The following ZNF106 variants were observed in gnomAD, a reference collection of about 807,000 sequenced individuals.
The protein encoded by ZNF106 is zinc finger protein 106.
In ZNF106, 67 loss-of-function variants were observed where a neutral mutation model predicts 195.1. The observed-to-expected ratio is 0.34, with a 90% CI of 0.28 to 0.42. ZNF106 has a LOEUF of 0.42. Ranked by LOEUF, ZNF106 falls within the 10% of genes least tolerant of loss-of-function variation. The pLI, the probability that ZNF106 is intolerant of heterozygous loss-of-function variation, is 1.00. For synonymous variants in ZNF106, 784 were observed against 818.6 expected (o/e 0.96, Z 0.72); for missense variants, 2,118 against 2,304.5 (o/e 0.92, Z 1.66).
chr15:42,483,151 C>T (rs1297461695), intron 1 of ZNF106, among the ~76,000 whole-genome samples: 1 of 150,982 alleles, frequency 6.6e-6, no homozygotes, highest in African/African-American at 2.5e-5. Flanking sequence ...TGTGTTAACT[C>T]CCCGCTAGAA....
chr15:42,478,352 T>C (rs1421196505), intron 1 of ZNF106, among the ~76,000 whole-genome samples: 3 of 151,562 alleles, frequency 2.0e-5, no homozygotes, highest in Non-Finnish European at 2.9e-5. Flanking sequence ...TTAGTAGAGA[T>C]GGAGTTTCAC....
At chr15:42,479,017 T>C (rs1301424736) in intron 1 of ZNF106, among the ~76,000 whole-genome samples, 2 of 152,238 alleles carry the variant, frequency 1.3e-5, no homozygotes, top group Non-Finnish European at 2.9e-5. Flanking sequence ...TCACAGATTA[T>C]TTGGAAGATT....
intron 1 of ZNF106, among the ~76,000 whole-genome samples, chr15:42,482,828 A>C (rs1214519455): frequency 6.6e-6 from 1 of 151,934 alleles, no homozygotes; most frequent in Non-Finnish European, 1.5e-5. Context: ...CGCGCCCGGC[A>C]AAATCCTCAG....
At chr15:42,483,854 G>C (rs1322962152) in intron 1 of ZNF106, among the ~76,000 whole-genome samples, 1 of 152,056 alleles carries the variant, frequency 6.6e-6, no homozygotes, top group East Asian at 1.9e-4. Flanking sequence ...TTTTCATCTA[G>C]TTAATTACTC....
At chr15:42,452,221 A>G (rs927822572) in intron 4 of ZNF106, among the ~76,000 whole-genome samples, 2 of 152,166 alleles carry the variant, frequency 1.3e-5, no homozygotes, top group African/African-American at 4.8e-5. Flanking sequence ...ACTCAGAAAT[A>G]TTAAAAATTT....
intron 1 of ZNF106, among the ~76,000 whole-genome samples, chr15:42,476,142 A>G (rs1489512433): frequency 1.3e-5 from 2 of 152,126 alleles, no homozygotes; most frequent in African/African-American, 4.8e-5. Context: ...ACTCATTTTC[A>G]TTTTCTTAAA....
At chr15:42,449,741 A>G (rs202003018) in intron 5 of ZNF106, 30 bp downstream of exon 5, 96 of 1,557,236 alleles carry the variant, frequency 6.2e-5, no homozygotes, top group Non-Finnish European at 6.9e-5. Context: ...GAAAGTGAGG[A>G]AAAAAAAGAC....
In ZNF106 at chr15:42,439,089, A is replaced by G. The variant is rs1388616651; in HGVS notation, c.4488T>C (p.Asp1496=). The G allele has an allele frequency of 1.2e-6, 2 of 1,614,084 alleles. No homozygotes were observed. The highest frequency in any genetic ancestry group is 8.5e-7 in the Non-Finnish European group (1 of 1,180,032). Residue 1496 remains aspartate (D), a synonymous_variant, in exon 11 of 22, where the codon GAT becomes GAC. Coordinates refer to ENST00000564754, the MANE Select transcript of ZNF106 (RefSeq NM_001366845.3). ...CAATTTCACTGGTAGAGCTAACTTC[A>G]TCACACCCAGAACGAGACGTTTCTA... ...NPLETSRSGC[D]EVSSTSEIGT...
At position 42,449,981 on chromosome 15, in the gene ZNF106, T is replaced by C. The variant is rs1442811107; in HGVS notation, c.2291A>G (p.Lys764Arg). 1.2e-6 allele frequency: 2 copies of C among 1,614,090 alleles called. No individual in the cohort carries two copies. Among genetic ancestry groups the C allele is most frequent in the African/African-American group, 1.3e-5 (1 of 74,924 alleles). ...TGGCTCAGGAAGGTGTACTCCAGTT[T>C]TGCTCTTCAAACTAATGTGCCGGGT... ...DLTRHISLKS[K>R]TGVHLPEPNL... Residue 764 changes from lysine (K) to arginine (R), a missense_variant, in exon 5 of 22, where the codon AAA becomes AGA. Physicochemically the swap from Lys to Arg is conservative, Grantham distance 26 (BLOSUM62 2). Transcript: ENST00000564754.
chr15:42,440,269 G>C (rs1329380046), intron 10 of ZNF106, among the ~76,000 whole-genome samples: 1 of 152,126 alleles, frequency 6.6e-6, no homozygotes, highest in Non-Finnish European at 1.5e-5. Context: ...CTTTGACTTA[G>C]TTACTTCATG....
intron 17 of ZNF106, among the ~76,000 whole-genome samples, chr15:42,423,427 A>C (rs1176464798): frequency 2.0e-5 from 3 of 151,394 alleles, no homozygotes; most frequent in African/African-American, 7.3e-5. Flanking sequence ...CCCAGGGTGG[A>C]GTGCAGTGGT....
At chr15:42,420,996 T>C (rs906588816) in intron 20 of ZNF106, 65 bp downstream of exon 20, 4 of 1,368,268 alleles carry the variant, frequency 2.9e-6, no homozygotes, top group Non-Finnish European at 4.2e-6. Context: ...AATGAAGATC[T>C]ATCAATTAGC....
At chr15:42,433,082 C>A (rs988459046) in intron 14 of ZNF106, among the ~76,000 whole-genome samples, 3 of 152,064 alleles carry the variant, frequency 2.0e-5, no homozygotes, top group African/African-American at 7.2e-5. Flanking sequence ...CTTCTACCTT[C>A]TCTTGTATTA....
At chr15:42,420,717 A>T (rs1657312065) in intron 20 of ZNF106, among the ~76,000 whole-genome samples, 1 of 152,098 alleles carries the variant, frequency 6.6e-6, no homozygotes, top group East Asian at 1.9e-4. Context: ...AAGACCTTAA[A>T]TTTTTTTTAT....
At chr15:42,489,815 C>A (rs997765984) in intron 1 of ZNF106, among the ~76,000 whole-genome samples, 7 of 151,080 alleles carry the variant, frequency 4.6e-5, no homozygotes, top group Admixed American at 2.0e-4. Context: ...GTGGGTGGAT[C>A]ACCTAAGGTC....
chr15:42,451,777 A>G lies in ZNF106; in HGVS notation c.495T>C (p.Thr165=). The G allele has an allele frequency of 1.2e-6, 2 of 1,614,156 alleles. No homozygotes were observed. Among genetic ancestry groups the G allele is most frequent in the African/African-American group, 1.3e-5 (1 of 75,038 alleles). The part of the protein sequence containing the change: ...WKWEKDGFNN[T]RKNSFPHSLR... ...AAGAATGTGGAAAGCTGTTTTTCCT[A>G]GTATTATTAAAGCCATCTTTTTCCC... Residue 165 remains threonine, a synonymous_variant, in exon 5 of 22, where the codon ACT becomes ACC. Coordinates refer to ENST00000564754, the MANE Select transcript of ZNF106 (RefSeq NM_001366845.3).
chr15:42,458,741 A>G (rs1275068055), intron 3 of ZNF106, among the ~76,000 whole-genome samples: 2 of 151,358 alleles, frequency 1.3e-5, no homozygotes, highest in East Asian at 3.9e-4. Flanking sequence ...ACAACACCTT[A>G]CCAAAAAACA....
intron 1 of ZNF106, among the ~76,000 whole-genome samples, chr15:42,481,355 T>C (rs374539370): frequency 8.3e-6 from 1 of 120,870 alleles, no homozygotes; most frequent in Non-Finnish European, 1.6e-5. Context: ...TTTTTTTTTG[T>C]TGTTTTTTTT....
Position 42,444,859 on chromosome 15 carries a change from C to T in ZNF106, c.3328G>A (p.Glu1110Lys), listed in dbSNP as rs1267394649. ...ARAALQTAYV[E>K]VQRLLMLKQQ... ...TTGAGCATAAGTAGCCTCTGAACTTCCACATAAGCTGTCTGAAGGGCTGCA... is the reference window on the plus strand; with the variant it reads ...TTGAGCATAAGTAGCCTCTGAACTTTCACATAAGCTGTCTGAAGGGCTGCA... The change falls in exon 8 of 22, where the codon GAA becomes AAA. Residue 1110 changes from glutamate to lysine, a missense_variant. By Grantham distance (56) the Glu-to-Lys change is moderately conservative (BLOSUM62 1). Transcript: ENST00000564754. 5 of 1,614,024 alleles carry T rather than the reference C, an allele frequency of 3.1e-6. No individual in the cohort carries two copies. Among genetic ancestry groups the T allele is most frequent in the Non-Finnish European group, 4.2e-6 (5 of 1,180,030 alleles).
Sources: gnomAD v4.1 joint callset for allele counts (sites outside exome capture counted in the v4.1 genomes callset) on GRCh38, gnomAD v4.1.1 for gene constraint, MANE v1.5 for transcripts, NCBI Gene and HGNC (gene_info 2026-07-23, HGNC 2026-07-21) for gene names.